FER: variants seen among roughly 807,000 people sequenced by gnomAD.
FER encodes tyrosine-protein kinase Fer.
A neutral mutation model predicts 111.0 loss-of-function variants in FER; 63 were observed. The observed-to-expected ratio is 0.57, with a 90% CI of 0.46 to 0.70. The LOEUF is 0.70. FER is among the 30% of genes least tolerant of loss of function. The pLI, the probability that FER is intolerant of heterozygous loss-of-function variation, is 0.00. For missense variants in FER, 914 were observed against 954.0 expected (o/e 0.96, Z 0.55); for synonymous variants, 327 against 313.9 (o/e 1.04, Z -0.44).
At chr5:108,939,564 T>G (rs1022489124) in intron 10 of FER, among the ~76,000 whole-genome samples, 3 of 152,098 alleles carry the variant, frequency 2.0e-5, no homozygotes, top group African/African-American at 7.2e-5. Context: ...ACTGATGTCC[T>G]ACAGTGTGAC....
chr5:108,887,440 T>G (rs1011881288), intron 9 of FER, among the ~76,000 whole-genome samples: 3 of 151,602 alleles, frequency 2.0e-5, no homozygotes, highest in African/African-American at 7.3e-5. Context: ...GATTTTAAAT[T>G]GACACATTAG....
intron 3 of FER, among the ~76,000 whole-genome samples, chr5:108,805,170 C>T (rs115605083): frequency 0.037 from 5,587 of 151,978 alleles, 165 homozygotes; most frequent in South Asian, 0.11. Context: ...GGGCTGTTCT[C>T]GTGATAGTGA....
At chr5:109,106,730 G>A (rs1177063285) in intron 17 of FER, among the ~76,000 whole-genome samples, 2 of 151,938 alleles carry the variant, frequency 1.3e-5, no homozygotes, top group African/African-American at 4.8e-5. Flanking sequence ...TTTATTCAGG[G>A]TAAAAATTTC....
At chr5:108,949,663 TTGA>T (rs986817880) in intron 11 of FER, among the ~76,000 whole-genome samples, 1 of 152,096 alleles carries the variant, frequency 6.6e-6, no homozygotes, top group African/African-American at 2.4e-5. Flanking sequence ...CAATCCCAAC[TTGA>T]TGATAAATGT....
At chr5:108,844,005 T>TATATGTGTGTGAAC (rs1761550415) in intron 5 of FER, among the ~76,000 whole-genome samples, 1 of 112,798 alleles carries the variant, frequency 8.9e-6, no homozygotes, top group African/African-American at 3.2e-5. Flanking sequence ...TTTCTATGTA[T>TATATGTGTGTGAAC]ATATATATGT....
intron 2 of FER, among the ~76,000 whole-genome samples, chr5:108,771,334 T>C (rs941963359): frequency 6.6e-6 from 1 of 152,228 alleles, no homozygotes; most frequent in Non-Finnish European, 1.5e-5. Context: ...TTTTTATCCT[T>C]AAACAGTTCT....
intron 11 of FER, among the ~76,000 whole-genome samples, chr5:108,953,023 CAG>C (rs577837497): frequency 0.011 from 1,686 of 151,956 alleles, 21 homozygotes; most frequent in Non-Finnish European, 0.018. Context: ...ATTGGTGAGA[CAG>C]AAATATTTCT....
At chr5:108,912,940 G>C (rs776707445) in intron 10 of FER, among the ~76,000 whole-genome samples, 1 of 152,274 alleles carries the variant, frequency 6.6e-6, no homozygotes, top group Middle Eastern at 3.4e-3. Flanking sequence ...GTTGAGCCTA[G>C]ATGAGTACTC....
intron 16 of FER, among the ~76,000 whole-genome samples, chr5:109,054,858 A>C (rs893127078): frequency 4.6e-5 from 7 of 152,068 alleles, no homozygotes; most frequent in Non-Finnish European, 1.0e-4. Flanking sequence ...TTCTCTCTTG[A>C]CTTAACTTTT....
At chr5:108,780,604 T>C (rs1753956869) in intron 2 of FER, among the ~76,000 whole-genome samples, 1 of 152,046 alleles carries the variant, frequency 6.6e-6, no homozygotes. Flanking sequence ...TTTGTTGTTG[T>C]TGGTTGTTTG....
chr5:108,922,561 T>C (rs1753162299), intron 10 of FER, among the ~76,000 whole-genome samples: 1 of 152,216 alleles, frequency 6.6e-6, no homozygotes, highest in Non-Finnish European at 1.5e-5. Flanking sequence ...GATTTAATGT[T>C]TTATGATTTT....
At chr5:108,783,402 G>A (rs1466482495) in intron 2 of FER, among the ~76,000 whole-genome samples, 2 of 152,058 alleles carry the variant, frequency 1.3e-5, no homozygotes, top group African/African-American at 4.8e-5. Flanking sequence ...TACGATGGTT[G>A]TTTTAAAATT....
intron 16 of FER, among the ~76,000 whole-genome samples, chr5:109,066,999 A>G (rs561217081): frequency 6.6e-6 from 1 of 152,220 alleles, no homozygotes; most frequent in Non-Finnish European, 1.5e-5. Flanking sequence ...GAAAGACAAA[A>G]ATAACCTTGC....
Position 108,752,044 on chromosome 5 carries a change from A to G in FER, c.-206+4044A>G, listed in dbSNP as rs143537030. Among the ~76,000 whole-genome samples, 63 of 151,960 alleles carry G rather than the reference A, an allele frequency of 4.1e-4. No individual in the cohort carries two copies. The East Asian group carries it at 0.012, about 29-fold the overall frequency. ...TAGATCTCTGGATTGCTTTATTACT[A>G]TTTTTCCAAATTTCATTTGTCTTTG... On this transcript the variant is annotated intron_variant, in intron 1 of 19. Transcript: ENST00000281092.
chr5:108,932,218 G>T (rs1397119659), intron 10 of FER, among the ~76,000 whole-genome samples: 1 of 151,958 alleles, frequency 6.6e-6, no homozygotes, highest in East Asian at 1.9e-4. Flanking sequence ...TCCTCTCCCT[G>T]TGTCCATGTG....
intron 3 of FER, among the ~76,000 whole-genome samples, chr5:108,806,875 G>A (rs1368488524): frequency 6.6e-6 from 1 of 152,140 alleles, no homozygotes; most frequent in African/African-American, 2.4e-5. Flanking sequence ...TTGAGTTAAT[G>A]CTGAAATAAG....
At chr5:109,012,207 T>G (rs1216397205) in intron 13 of FER, among the ~76,000 whole-genome samples, 1 of 152,258 alleles carries the variant, frequency 6.6e-6, no homozygotes, top group Non-Finnish European at 1.5e-5. Flanking sequence ...GTTATAGGTT[T>G]GCTTAAAATG....
At chr5:108,816,120 A>G (rs1355573166) in intron 3 of FER, among the ~76,000 whole-genome samples, 1 of 151,766 alleles carries the variant, frequency 6.6e-6, no homozygotes, top group Admixed American at 6.6e-5. Context: ...GCTTTAATCT[A>G]TCAAAAAAAA....
chr5:108,883,762 A>G (rs1225242442), intron 9 of FER, among the ~76,000 whole-genome samples: 1 of 151,988 alleles, frequency 6.6e-6, no homozygotes, highest in Non-Finnish European at 1.5e-5. Flanking sequence ...CATATGTCTC[A>G]ATGTTTTAAC....
Sources: gnomAD v4.1 joint callset for allele counts (sites outside exome capture counted in the v4.1 genomes callset) on GRCh38, gnomAD v4.1.1 for gene constraint, MANE v1.5 for transcripts, NCBI Gene and HGNC (gene_info 2026-07-23, HGNC 2026-07-21) for gene names.